The following ABL1 variants were observed in gnomAD, a reference collection of about 807,000 sequenced individuals.
ABL1 encodes the protein tyrosine-protein kinase ABL1.
In ABL1, 11 loss-of-function variants were observed where a neutral mutation model predicts 94.7. The observed-to-expected ratio is 0.12, with a 90% CI of 0.07 to 0.19. The LOEUF (loss-of-function observed/expected upper bound fraction) is 0.19. Ranked by LOEUF, ABL1 falls within the 10% of genes least tolerant of loss-of-function variation. The pLI, the probability that ABL1 is intolerant of heterozygous loss-of-function variation, is 1.00. For missense variants in ABL1, 1,082 were observed against 1,489.4 expected (o/e 0.73, Z 4.50); for synonymous variants, 656 against 622.4 (o/e 1.05, Z -0.80).
intron 1 of ABL1, among the ~76,000 whole-genome samples, chr9:130,845,356 T>G (rs561989085): frequency 1.3e-5 from 2 of 152,214 alleles, no homozygotes; most frequent in African/African-American, 4.8e-5. Context: ...TCTTTTTTTT[T>G]TTTTAGACAG....
chr9:130,818,791 T>C (rs1830322678), intron 1 of ABL1, among the ~76,000 whole-genome samples: 1 of 152,208 alleles, frequency 6.6e-6, no homozygotes, highest in Non-Finnish European at 1.5e-5. Context: ...AGCATGCATG[T>C]ATGGGTCACT....
chr9:130,834,422 G>A (rs1181649142), upstream of ABL1, among the ~76,000 whole-genome samples: 1 of 152,136 alleles, frequency 6.6e-6, no homozygotes, highest in Non-Finnish European at 1.5e-5. Flanking sequence ...TTCTGGGTGT[G>A]CGCCAGTAAC....
intron 4 of ABL1, among the ~76,000 whole-genome samples, chr9:130,869,040 G>T (rs7848581): frequency 0.01 from 1,529 of 152,122 alleles, 30 homozygotes; most frequent in African/African-American, 0.032. Context: ...GGTGGCAGGT[G>T]CCTGTAGTCC....
intron 1 of ABL1, among the ~76,000 whole-genome samples, chr9:130,826,185 A>G (rs2132885529): frequency 6.6e-6 from 1 of 151,950 alleles, no homozygotes; most frequent in African/African-American, 2.4e-5. Context: ...AGTCGGCGCA[A>G]TTTCGGCTCA....
chr9:130,827,973 AAG>A (rs1554766852), intron 1 of ABL1, among the ~76,000 whole-genome samples: 3 of 151,578 alleles, frequency 2.0e-5, no homozygotes, highest in Non-Finnish European at 4.4e-5. Flanking sequence ...TTAAAAAAAA[AAG>A]AACTATTCTT....
At chr9:130,742,271 A>C (rs1033937844) in intron 1 of ABL1, among the ~76,000 whole-genome samples, 2 of 152,198 alleles carry the variant, frequency 1.3e-5, no homozygotes, top group African/African-American at 4.8e-5. Flanking sequence ...ATGCACACGT[A>C]GCTTTTCGGT....
chr9:130,747,059 G>A (rs1831896779), intron 1 of ABL1, among the ~76,000 whole-genome samples: 1 of 152,042 alleles, frequency 6.6e-6, no homozygotes, highest in Non-Finnish European at 1.5e-5. Flanking sequence ...TTTATTTCCT[G>A]TTTTGTAATC....
intron 1 of ABL1, among the ~76,000 whole-genome samples, chr9:130,806,159 G>T (rs1180256172): frequency 1.3e-5 from 2 of 152,168 alleles, no homozygotes; most frequent in East Asian, 3.9e-4. Flanking sequence ...ATGCCACCAG[G>T]TAGAATCCCA....
At chr9:130,832,316 G>A (rs1186812478), upstream of ABL1, among the ~76,000 whole-genome samples, 1 of 142,852 alleles carries the variant, frequency 7.0e-6, no homozygotes, top group African/African-American at 2.7e-5. Flanking sequence ...GTAGAGATGG[G>A]GTTTCACCAT....
At chr9:130,744,374 C>A (rs532583520) in intron 1 of ABL1, among the ~76,000 whole-genome samples, 2 of 151,400 alleles carry the variant, frequency 1.3e-5, no homozygotes, top group African/African-American at 4.8e-5. Flanking sequence ...ATCTCTTGAC[C>A]TCGTGATCCA....
intron 1 of ABL1, among the ~76,000 whole-genome samples, chr9:130,799,519 T>G (rs948704520): frequency 3.9e-5 from 6 of 152,324 alleles, no homozygotes; most frequent in East Asian, 1.9e-4. Context: ...GCTGTGACCC[T>G]GGGCAAATAA....
At chr9:130,714,686 C>T (rs1367648892) in intron 1 of ABL1, among the ~76,000 whole-genome samples, 1 of 152,206 alleles carries the variant, frequency 6.6e-6, no homozygotes, top group African/African-American at 2.4e-5. Context: ...GATTCCTCTG[C>T]TAATTCACTG....
chr9:130,852,113 A>G (rs1223812078), intron 1 of ABL1, among the ~76,000 whole-genome samples: 1 of 152,096 alleles, frequency 6.6e-6, no homozygotes, highest in Non-Finnish European at 1.5e-5. Flanking sequence ...ACTAAACATC[A>G]TAATGACATG....
intron 1 of ABL1, among the ~76,000 whole-genome samples, chr9:130,771,760 T>TTCTTTC (rs1588233099): frequency 1.7e-5 from 1 of 59,612 alleles, no homozygotes; most frequent in Non-Finnish European, 4.0e-5. Context: ...TTCTTTTTTT[T>TTCTTTC]TTTTTTTTTT....
At position 130,723,477 on chromosome 9, in the gene ABL1, C is replaced by T. The variant is rs542405195; in HGVS notation, c.136+9022C>T. Among the ~76,000 whole-genome samples the T allele has an allele frequency of 3.9e-5, 6 of 152,168 alleles. No individual in the cohort carries two copies. In the South Asian group the frequency reaches 6.2e-4, roughly 16 times the overall value. Reference sequence around the variant, plus strand: ...GAAGGATTACTTGAGTCCAGGAGTTCGAGGCTGAAGCAAACTGTGATCATA... The same window carrying T: ...GAAGGATTACTTGAGTCCAGGAGTTTGAGGCTGAAGCAAACTGTGATCATA... On this transcript the variant is annotated intron_variant, in intron 1 of 10. Transcript: ENST00000372348.
chr9:130,814,615 C>T lies in ABL1; in HGVS notation c.137-39449C>T, dbSNP rs58385952. Among the ~76,000 whole-genome samples the T allele has an allele frequency of 0.036, 5,445 of 152,266 alleles. 310 individuals are homozygous for T. Among genetic ancestry groups the T allele is most frequent in the African/African-American group, 0.12 (5,111 of 41,516 alleles). ...ACCATCTGCCGGGCGCAGTGGCTTA[C>T]GCCTGTAATCCCAGCACTTTGGTAG... On this transcript the variant is annotated intron_variant, in intron 1 of 10. Transcript: ENST00000372348. The surrounding 1 kb of genome is among the most constrained non-coding windows in gnomAD (Gnocchi z 4.4).
chr9:130,830,798 C>T (rs1393204294), upstream of ABL1, among the ~76,000 whole-genome samples: 1 of 152,202 alleles, frequency 6.6e-6, no homozygotes, highest in Admixed American at 6.5e-5. Flanking sequence ...ATGACTACCT[C>T]CCATTTTTCA....
intron 1 of ABL1, among the ~76,000 whole-genome samples, chr9:130,737,512 A>T (rs756682547): frequency 2.6e-5 from 4 of 151,630 alleles, no homozygotes; most frequent in African/African-American, 4.9e-5. Flanking sequence ...CAGATGATCC[A>T]CCCGCCTTGG....
chr9:130,845,958 G>T (rs895361248), intron 1 of ABL1, among the ~76,000 whole-genome samples: 1 of 152,078 alleles, frequency 6.6e-6, no homozygotes, highest in East Asian at 1.9e-4. Flanking sequence ...TCCAAGGAGC[G>T]GGGCTACTGC....
Sources: allele counts gnomAD v4.1 joint callset (sites outside exome capture counted in the v4.1 genomes callset), GRCh38; gene constraint gnomAD v4.1.1; non-coding constraint Gnocchi (gnomAD v3.1); transcripts MANE v1.5; gene names NCBI Gene and HGNC (gene_info 2026-07-23, HGNC 2026-07-21).